The following SORCS2 variants were observed in gnomAD, a reference collection of about 807,000 sequenced individuals.
SORCS2 encodes the protein VPS10 domain-containing receptor SorCS2.
In SORCS2, 100 loss-of-function variants were observed where a neutral mutation model predicts 141.6. That is an observed-to-expected ratio of 0.71 (90% CI 0.60 to 0.83). The LOEUF is 0.83. Among genes scored for constraint, SORCS2 ranks in the 40% least tolerant of loss-of-function variants. SORCS2 has a pLI of 0.00. For missense variants in SORCS2, 1,646 were observed against 1,560.2 expected (o/e 1.05, Z -0.93); for synonymous variants, 789 against 676.9 (o/e 1.17, Z -2.57).
chr4:7,713,497 C>T (rs944253063), intron 15 of SORCS2, among the ~76,000 whole-genome samples: 4 of 152,134 alleles, frequency 2.6e-5, no homozygotes, highest in African/African-American at 9.7e-5. Flanking sequence ...GGTACAGGGA[C>T]CCTCTCAAAG....
chr4:7,331,987 A>T (rs1719683947), intron 1 of SORCS2, among the ~76,000 whole-genome samples: 1 of 151,952 alleles, frequency 6.6e-6, no homozygotes, highest in African/African-American at 2.4e-5. Context: ...AGAGCTGAAG[A>T]CTCCCAGCTA....
At chr4:7,613,972 T>C (rs28480438) in intron 3 of SORCS2, among the ~76,000 whole-genome samples, 59,127 of 150,442 alleles carry the variant, frequency 0.39, 11,936 homozygotes, top group Middle Eastern at 0.44. Flanking sequence ...CCACCAGCCA[T>C]CCATCAATCC....
At chr4:7,387,835 T>G (rs972877981) in intron 1 of SORCS2, among the ~76,000 whole-genome samples, 21 of 45,662 alleles carry the variant, frequency 4.6e-4, no homozygotes, top group East Asian at 3.8e-3. Flanking sequence ...CACATGCACA[T>G]ACATACACAT....
At chr4:7,692,984 CAA>C (rs1204911200) in intron 11 of SORCS2, among the ~76,000 whole-genome samples, 3 of 152,202 alleles carry the variant, frequency 2.0e-5, no homozygotes, top group African/African-American at 7.2e-5. Flanking sequence ...ATTTGAGAAG[CAA>C]AGACAAAAAC....
intron 1 of SORCS2, among the ~76,000 whole-genome samples, chr4:7,386,684 T>G (rs1330835356): frequency 1.3e-5 from 2 of 150,244 alleles, no homozygotes; most frequent in Admixed American, 6.6e-5. Context: ...GGTACATGCA[T>G]GCACACATGC....
chr4:7,309,085 A>G lies in SORCS2; in HGVS notation c.481-87203A>G, dbSNP rs914050211. On this transcript the variant is annotated intron_variant, in intron 1 of 26. Coordinates refer to ENST00000507866, the MANE Select transcript of SORCS2 (RefSeq NM_020777.3). The stretch of plus-strand genomic sequence containing the variant: ...GACCGTGGTGCCTGGGTCTAGCACC[A>G]GGCGGGCTGGGAGCCCCTTGGTTGT... 2.6e-5 allele frequency among the ~76,000 whole-genome samples: 4 copies of G among 152,336 alleles called. No individual in the cohort carries two copies. The East Asian group carries it at 7.7e-4, about 29-fold the overall frequency.
At chr4:7,697,384 T>G in intron 12 of SORCS2, 110 bp downstream of exon 12, 1 of 950,076 alleles carries the variant, frequency 1.1e-6, no homozygotes. Context: ...TGGGAGAAGC[T>G]CTGAGCCATG....
intron 1 of SORCS2, among the ~76,000 whole-genome samples, chr4:7,289,835 C>T (rs190410916): frequency 1.1e-4 from 17 of 152,320 alleles, no homozygotes; most frequent in African/African-American, 3.8e-4. Flanking sequence ...GCGGCCCTTC[C>T]TCCCGAGACG....
rs571297854 is a variant in SORCS2 at position 7,255,015 on chromosome 4, G to A, written c.480+61889G>A. Among the ~76,000 whole-genome samples the A allele has an allele frequency of 4.6e-5, 7 of 152,096 alleles. No individual in the cohort carries two copies. The South Asian group carries it at 1.2e-3, about 27-fold the overall frequency. ...GTCTGCTGTGCACAGATGAGTATGT[G>A]AGCATGTGTGTGAGCATGAGTGTGT... On this transcript the variant is annotated intron_variant, in intron 1 of 26. Coordinates refer to ENST00000507866, the MANE Select transcript of SORCS2 (RefSeq NM_020777.3).
intron 6 of SORCS2, among the ~76,000 whole-genome samples, chr4:7,662,162 G>A (rs1722214999): frequency 6.6e-6 from 1 of 152,214 alleles, no homozygotes; most frequent in East Asian, 1.9e-4. Context: ...AGTCCTCAAC[G>A]CGGGGTCATC....
chr4:7,212,780 G>A (rs559475779), intron 1 of SORCS2, among the ~76,000 whole-genome samples: 151 of 152,388 alleles, frequency 9.9e-4, no homozygotes, highest in Non-Finnish European at 1.4e-3. Flanking sequence ...CAGCCAGGGC[G>A]AGGAGTTTCG....
chr4:7,536,810 C>T (rs1001609948), intron 3 of SORCS2, among the ~76,000 whole-genome samples: 4 of 138,766 alleles, frequency 2.9e-5, no homozygotes, highest in Non-Finnish European at 6.1e-5. Context: ...CGGCCAGAAG[C>T]GGATGTCCCC....
chr4:7,651,354 C>G (rs1721433702), intron 4 of SORCS2, among the ~76,000 whole-genome samples: 1 of 152,198 alleles, frequency 6.6e-6, no homozygotes, highest in African/African-American at 2.4e-5. Flanking sequence ...GAGGCCTGCC[C>G]CGGTAGCTGG....
At chr4:7,380,512 GT>G (rs1195888559) in intron 1 of SORCS2, among the ~76,000 whole-genome samples, 2 of 152,200 alleles carry the variant, frequency 1.3e-5, no homozygotes, top group South Asian at 2.1e-4. Context: ...CCAAAGTGAG[GT>G]AGTTCTGTTG....
intron 2 of SORCS2, among the ~76,000 whole-genome samples, chr4:7,409,013 T>C (rs1407136816): frequency 6.6e-6 from 1 of 152,216 alleles, no homozygotes; most frequent in Non-Finnish European, 1.5e-5. Context: ...TTCTTAAAGA[T>C]GCAGTTTTTA....
rs144448429 is a variant in SORCS2, at chr4:7,424,629, G to A, written c.548+28274G>A. On this transcript the variant is annotated intron_variant, in intron 2 of 26. Coordinates refer to ENST00000507866, the MANE Select transcript of SORCS2 (RefSeq NM_020777.3). ...GGCAGGAGCGCCCCCCTCTGCTAAC[G>A]TGACGTGTGACCCCCGCACTCCGCA... is the stretch of plus-strand genomic sequence containing the variant. Among the ~76,000 whole-genome samples, 178 of 152,256 alleles carry A rather than the reference G, an allele frequency of 1.2e-3. 3 individuals are homozygous for A. Among genetic ancestry groups the A allele is most frequent in the African/African-American group, 4.1e-3 (172 of 41,572 alleles).
chr4:7,582,747 C>A (rs1275087579), intron 3 of SORCS2, among the ~76,000 whole-genome samples: 1 of 152,210 alleles, frequency 6.6e-6, no homozygotes, highest in Non-Finnish European at 1.5e-5. Flanking sequence ...TCTATGGCCA[C>A]ACCACATCCA....
At chr4:7,422,599 G>A (rs1726153100) in intron 2 of SORCS2, among the ~76,000 whole-genome samples, 1 of 152,102 alleles carries the variant, frequency 6.6e-6, no homozygotes, top group African/African-American at 2.4e-5. Context: ...TTGTGTGTGA[G>A]TGCTGGGCTA....
At chr4:7,479,104 T>C (rs1341796454) in intron 2 of SORCS2, among the ~76,000 whole-genome samples, 1 of 151,510 alleles carries the variant, frequency 6.6e-6, no homozygotes, top group East Asian at 2.0e-4. Flanking sequence ...CAGGTTAGGA[T>C]CAGTAAAGGG....
Sources: allele counts gnomAD v4.1 joint callset (sites outside exome capture counted in the v4.1 genomes callset), GRCh38; gene constraint gnomAD v4.1.1; transcripts MANE v1.5; gene names NCBI Gene and HGNC (gene_info 2026-07-23, HGNC 2026-07-21).